The following CD300E variants were observed in gnomAD, a reference collection of about 807,000 sequenced individuals.
CD300E encodes the protein CD300e molecule.
In CD300E, 14 loss-of-function variants were observed where a neutral mutation model predicts 20.9. That is an observed-to-expected ratio of 0.67 (90% CI 0.44 to 1.05). The LOEUF (loss-of-function observed/expected upper bound fraction) is 1.05. CD300E is among the 50% of genes least tolerant of loss of function. The probability of loss-of-function intolerance (pLI) is 0.00; values close to 1 mark genes in which losing one functional copy is unlikely to be tolerated. For missense variants in CD300E, 237 were observed against 253.9 expected, an observed-to-expected ratio of 0.93 and a Z score of 0.45; for synonymous variants, 102 against 103.7, an observed-to-expected ratio of 0.98 and a Z score of 0.10.
intron 1 of CD300E, among the ~76,000 whole-genome samples, chr17:74,617,698 G>T (rs986724363): frequency 6.6e-6 from 1 of 152,198 alleles, no homozygotes; most frequent in East Asian, 1.9e-4. Flanking sequence ...AGCACCTGGA[G>T]ACCAAAGCTG....
At chr17:74,622,753 AG>A (rs1277728440) in intron 1 of CD300E, among the ~76,000 whole-genome samples, 2 of 89,652 alleles carry the variant, frequency 2.2e-5, no homozygotes, top group Non-Finnish European at 5.0e-5. Flanking sequence ...TTTTTTTTTC[AG>A]ACAGGATCTC....
Position 74,612,354 on chromosome 17 carries a change from G to C in CD300E, c.*299C>G, listed in dbSNP as rs573222731. The C allele has an allele frequency of 4.3e-6, 1 of 232,696 alleles. No homozygotes were observed. The highest frequency in any genetic ancestry group is 2.3e-5 in the African/African-American group (1 of 43,806). The allele number at this position is 232,696 out of a possible 1,614,324, so 14.4% of individuals were successfully genotyped here. A position where few individuals can be genotyped will look rare whatever the true frequency, so the allele number is the denominator to read the frequency against. On this transcript the variant is annotated 3_prime_UTR_variant, in exon 4 of 4. Coordinates refer to ENST00000392619, the MANE Select transcript of CD300E (RefSeq NM_181449.3). ...GCCGATCCTCCTGCCTCAGCCTCCT[G>C]AGCTGGGATTATAGGCACTCGCTAT...
At position 74,613,922 on chromosome 17, in the gene CD300E, T is replaced by C; in HGVS notation, c.497+3A>G. The C allele has an allele frequency of 1.2e-6, 2 of 1,610,110 alleles. No individual in the cohort carries two copies. Among genetic ancestry groups the C allele is most frequent in the Non-Finnish European group, 1.7e-6 (2 of 1,176,976 alleles). Reference sequence around the variant, plus strand: ...CCATGGCCTCCAGGCCCTGCGTGCTTACCCTGAATTTTGGGTCAACACCTC... The same window carrying C: ...CCATGGCCTCCAGGCCCTGCGTGCTCACCCTGAATTTTGGGTCAACACCTC... On this transcript the variant is annotated splice_donor_region_variant and intron_variant, in intron 3 of 3. Transcript: ENST00000392619.
Position 74,612,201 on chromosome 17 carries a change from TTCTCTC to T in CD300E, c.*446_*451del, listed in dbSNP as rs143689388. On this transcript the variant is annotated 3_prime_UTR_variant, in exon 4 of 4. Coordinates refer to ENST00000392619, the MANE Select transcript of CD300E (RefSeq NM_181449.3). The stretch of plus-strand genomic sequence containing the variant: ...TTTTTCCCTCCCTTCCTCCGTCCTT[TTCTCTC>T]TCTCTCTCTCTCTCTCGCTCTCTCT... 2 of 142,384 alleles carry T rather than the reference TTCTCTC, an allele frequency of 1.4e-5. No homozygotes were observed. The highest frequency in any genetic ancestry group is 3.0e-5 in the Non-Finnish European group (2 of 66,046). 8.8% of individuals were successfully genotyped at this position (142,384 alleles called of 1,614,324 possible).
chr17:74,613,009 C>G (rs1377467388), intron 3 of CD300E, among the ~76,000 whole-genome samples: 1 of 152,184 alleles, frequency 6.6e-6, no homozygotes, highest in East Asian at 1.9e-4. Context: ...GAAGAGGGAC[C>G]CACTTCCAGG....
At position 74,613,950 on chromosome 17, in the gene CD300E, C is replaced by G; in HGVS notation, c.472G>C (p.Gly158Arg). Residue 158 changes from glycine to arginine, a missense_variant, in exon 3 of 4, where the codon GGG becomes CGG. Physicochemically the swap from Gly to Arg is moderately radical, Grantham distance 125. Transcript: ENST00000392619. ...CCTGAATTTTGGGTCAACACCTCCC[C>G]GGTGCTGAGGTTTCGCCCAGGGTTC... is the stretch of plus-strand genomic sequence containing the variant. ...VVNPGRNLST[G>R]EVLTQNSGFR... 6 of 1,612,968 alleles carry G rather than the reference C, an allele frequency of 3.7e-6. No individual in the cohort carries two copies. The highest frequency in any genetic ancestry group is 5.1e-6 in the Non-Finnish European group (6 of 1,179,364).
chr17:74,618,480 G>A (rs1374383605), intron 1 of CD300E, among the ~76,000 whole-genome samples: 1 of 152,124 alleles, frequency 6.6e-6, no homozygotes, highest in Admixed American at 6.5e-5. Context: ...CCGTTAGAAT[G>A]AGCAGAAATT....
Position 74,617,172 on chromosome 17 carries a change from G to A in CD300E, c.334C>T (p.Leu112=). 1 of 1,614,198 alleles carries A rather than the reference G, an allele frequency of 6.2e-7. No individual in the cohort carries two copies. The highest frequency in any genetic ancestry group is 1.7e-5 in the Admixed American group (1 of 60,020). ...YWCKIQTVWV[L]DSWSRDPSDL... The stretch of plus-strand genomic sequence containing the variant: ...GAGGGATCGCGTGACCATGAATCCA[G>A]GACCCACACTGTCTGAATTTTGCAC... Residue 112 remains leucine (L), a synonymous_variant, in exon 2 of 4, where the codon CTG becomes TTG. Coordinates refer to ENST00000392619, the MANE Select transcript of CD300E (RefSeq NM_181449.3).
chr17:74,615,050 C>T (rs11870257), intron 2 of CD300E, among the ~76,000 whole-genome samples: 42,906 of 152,172 alleles, frequency 0.28, 7,622 homozygotes, highest in Non-Finnish European at 0.39. Context: ...AGCCCCACCC[C>T]GTTGGAGGGG....
intron 3 of CD300E, 131 bp downstream of exon 3, chr17:74,613,794 A>C: frequency 1.6e-6 from 1 of 622,562 alleles, no homozygotes; most frequent in East Asian, 2.8e-5. Context: ...CTCAGAGAGT[A>C]TGAGAATCAG....
chr17:74,616,089 A>T (rs2030893155), intron 2 of CD300E, among the ~76,000 whole-genome samples: 1 of 152,146 alleles, frequency 6.6e-6, no homozygotes, highest in African/African-American at 2.4e-5. Context: ...GTCTCAATAA[A>T]AGAAAAAAGA....
chr17:74,617,549 G>A, intron 1 of CD300E, 84 bp from the exon 2 acceptor site: 1 of 1,204,168 alleles, frequency 8.3e-7, no homozygotes, highest in Admixed American at 2.1e-5. Context: ...GGGGAAGATT[G>A]CCAGGGAGAC....
rs2030841422 is a variant in CD300E, at chr17:74,613,938, T to C, written c.484A>G (p.Thr162Ala). 3 of 1,613,186 alleles carry C rather than the reference T, an allele frequency of 1.9e-6. No individual in the cohort carries two copies. Among genetic ancestry groups the C allele is most frequent in the Non-Finnish European group, 1.7e-6 (2 of 1,179,610 alleles). ...GRNLSTGEVL[T>A]QNSGFRLSSP... ...CTGCGTGCTTACCCTGAATTTTGGG[T>C]CAACACCTCCCCGGTGCTGAGGTTT... is the stretch of plus-strand genomic sequence containing the variant. The change falls in exon 3 of 4, where the codon ACC (threonine) becomes GCC (alanine). Residue 162 changes from threonine to alanine, a missense_variant. By Grantham distance (58) the Thr-to-Ala change is moderately conservative. Transcript: ENST00000392619.
At chr17:74,615,580 A>T (rs185185479) in intron 2 of CD300E, among the ~76,000 whole-genome samples, 5 of 152,282 alleles carry the variant, frequency 3.3e-5, no homozygotes, top group Non-Finnish European at 5.9e-5. Context: ...TTTTTTCCCC[A>T]GCAGCGCTAG....
intron 1 of CD300E, chr17:74,618,969 C>T (rs930460328): frequency 9.5e-6 from 4 of 421,460 alleles, no homozygotes; most frequent in African/African-American, 2.0e-5. Context: ...GAACCTTCCT[C>T]GCTCTGGATG....
At chr17:74,612,822 G>A in intron 3 of CD300E, 49 bp from the exon 4 acceptor site, 1 of 1,605,396 alleles carries the variant, frequency 6.2e-7, no homozygotes, top group South Asian at 1.1e-5. Flanking sequence ...AGAACCCCCA[G>A]GACCCTTCTC....
intron 2 of CD300E, among the ~76,000 whole-genome samples, chr17:74,614,764 G>C (rs929363645): frequency 1.1e-4 from 17 of 152,124 alleles, no homozygotes; most frequent in Admixed American, 1.0e-3. Flanking sequence ...TTACAGGCGT[G>C]AGCCACCGCG....
intron 1 of CD300E, chr17:74,619,058 G>A (rs1010344800): frequency 1.9e-5 from 9 of 470,320 alleles, no homozygotes; most frequent in African/African-American, 1.8e-4. Flanking sequence ...TTGCCCCGCA[G>A]CTGCACACCC....
At position 74,611,852 on chromosome 17, in the gene CD300E, C is replaced by CTGA. The variant is rs1227380886; in HGVS notation, c.*798_*800dup. The CTGA allele has an allele frequency of 1.3e-5, 2 of 152,368 alleles. No individual in the cohort carries two copies. The highest frequency in any genetic ancestry group is 2.9e-5 in the Non-Finnish European group (2 of 68,164). 9.4% of individuals were successfully genotyped at this position (152,368 alleles called of 1,614,324 possible). On this transcript the variant is annotated 3_prime_UTR_variant, in exon 4 of 4. Transcript: ENST00000392619. ...CACGGCCCACCCAGGCAGAGATGTT[C>CTGA]TGAGCCCAGCCACACACTGCCTGGT...
Sources: gnomAD v4.1 joint callset for allele counts (sites outside exome capture counted in the v4.1 genomes callset) on GRCh38, gnomAD v4.1.1 for gene constraint, MANE v1.5 for transcripts, NCBI Gene and HGNC (gene_info 2026-07-23, HGNC 2026-07-21) for gene names.